The following FAM174C variants were observed in gnomAD, a reference collection of about 807,000 sequenced individuals.
The protein encoded by FAM174C is family with sequence similarity 174 member C, also known as protein FAM174C.
A neutral mutation model predicts 12.3 loss-of-function variants in FAM174C; 19 were observed. That is an observed-to-expected ratio of 1.55 (90% CI 1.08 to 2.27). The LOEUF (loss-of-function observed/expected upper bound fraction) is 2.27. FAM174C is among the 30% of genes most tolerant of loss of function. The pLI, the probability that FAM174C is intolerant of heterozygous loss-of-function variation, is 0.00. For synonymous variants in FAM174C, 147 were observed against 103.5 expected, an observed-to-expected ratio of 1.42 and a Z score of -2.55; for missense variants, 239 against 190.2, an observed-to-expected ratio of 1.26 and a Z score of -1.51.
rs368172075 is a variant in FAM174C at position 1,279,101 on chromosome 19, C to T, written c.*324C>T. ...CTCCCTTGCCTGACTGTGACTTGTG[C>T]CTCTCTCCTGCCCCCGTGGGGACAT... is the stretch of plus-strand genomic sequence containing the variant. On this transcript the variant is annotated 3_prime_UTR_variant, in exon 3 of 3. Transcript: ENST00000409293. The T allele has an allele frequency of 4.3e-6, 7 of 1,612,764 alleles. No homozygotes were observed. The East Asian group carries it at 6.7e-5, about 15-fold the overall frequency.
At chr19:1,278,023 C>T (rs1317845804) in intron 2 of FAM174C, 1 of 152,842 alleles carries the variant, frequency 6.5e-6, no homozygotes, top group Admixed American at 6.5e-5. Flanking sequence ...GATCTGCCCG[C>T]TTCGGCCTCC....
Position 1,275,814 on chromosome 19 carries a change from C to T in FAM174C, c.265C>T (p.Leu89=). Residue 89 remains leucine, a synonymous_variant, in exon 1 of 3, where the codon CTG becomes TTG. Coordinates refer to ENST00000409293, the MANE Select transcript of FAM174C (RefSeq NM_017914.4). ...CTGCGGCCTGACCGCGCTCTACTTC[C>T]TGATCCGGGCGTTTAGGTGCGTCAG... ...GFCGLTALYF[L]IRAFRLKKPQ... 2.6e-6 allele frequency: 4 copies of T among 1,537,418 alleles called. No individual in the cohort carries two copies. Among genetic ancestry groups the T allele is most frequent in the Non-Finnish European group, 3.5e-6 (4 of 1,146,252 alleles).
chr19:1,278,694 C>A, intron 2 of FAM174C, 83 bp from the exon 3 acceptor site: 1 of 1,581,440 alleles, frequency 6.3e-7, no homozygotes, highest in Non-Finnish European at 8.6e-7. Context: ...AGGCTGCCTG[C>A]CCCTGCCTGA....
At position 1,277,170 on chromosome 19, in the gene FAM174C, G is replaced by T. The variant is rs767743867; in HGVS notation, c.282-13G>T. On this transcript the variant is annotated splice_polypyrimidine_tract_variant and intron_variant, in intron 1 of 2. Coordinates refer to ENST00000409293, the MANE Select transcript of FAM174C (RefSeq NM_017914.4). ...GGGGAGGGGCCACTGACTATGCCTG[G>T]ACCTACTTCCAGGTTGAAGAAGCCT... 1.5e-4 allele frequency: 227 copies of T among 1,535,190 alleles called. No individual in the cohort carries two copies. The highest frequency in any genetic ancestry group is 1.9e-4 in the Non-Finnish European group (217 of 1,134,186).
intron 2 of FAM174C, 87 bp from the exon 3 acceptor site, chr19:1,278,690 C>G: frequency 6.3e-7 from 1 of 1,575,922 alleles, no homozygotes. Flanking sequence ...GGACAGGCTG[C>G]CTGCCCCTGC....
In FAM174C at chr19:1,277,419, G is replaced by A. The variant is rs1394525005; in HGVS notation, c.398+120G>A. The A allele has an allele frequency of 8.4e-6, 12 of 1,422,912 alleles. No homozygotes were observed. The Admixed American group carries it at 2.9e-4, about 35-fold the overall frequency. 88.1% of individuals were successfully genotyped at this position (1,422,912 alleles called of 1,614,324 possible). ...CCTGCAATCACAGCTGACAGCGGTA[G>A]TCAGGCCATGGCCCCACTGGGCAGG... On this transcript the variant is annotated intron_variant, in intron 2 of 2. Coordinates refer to ENST00000409293, the MANE Select transcript of FAM174C (RefSeq NM_017914.4).
At chr19:1,277,392 T>A in intron 2 of FAM174C, 93 bp downstream of exon 2, 1 of 1,467,056 alleles carries the variant, frequency 6.8e-7, no homozygotes, top group Non-Finnish European at 9.1e-7. Context: ...CATGGAGTGG[T>A]CCCTGCAATC....
chr19:1,277,052 G>A, intron 1 of FAM174C, 131 bp from the exon 2 acceptor site: 9 of 1,344,176 alleles, frequency 6.7e-6, no homozygotes, highest in Middle Eastern at 2.0e-4. Context: ...AAAGAAGCAG[G>A]CACAGCAAAA....
At chr19:1,275,876 A>G (rs2081411066) in intron 1 of FAM174C, 46 bp downstream of exon 1, 1 of 1,512,022 alleles carries the variant, frequency 6.6e-7, no homozygotes, top group African/African-American at 1.4e-5. Flanking sequence ...TTGGCCAATT[A>G]GCGCGCGCCT....
Position 1,278,744 on chromosome 19 carries a change from CCTT to C in FAM174C, c.*-31_*-29del, listed in dbSNP as rs777175714. 4.3e-6 allele frequency: 7 copies of C among 1,610,782 alleles called. No homozygotes were observed. In the African/African-American group the frequency reaches 6.7e-5, roughly 15 times the overall value. On this transcript the variant is annotated intron_variant, in intron 2 of 2. Coordinates refer to ENST00000409293, the MANE Select transcript of FAM174C (RefSeq NM_017914.4). Reference sequence around the variant, plus strand: ...TGCCCGGCAGGGCGGGCCCTTCACTCCTTCCCTCTCACCCTTGACCCCCTGCTT... The same window carrying C: ...TGCCCGGCAGGGCGGGCCCTTCACTCCCCTCTCACCCTTGACCCCCTGCTT...
Position 1,277,111 on chromosome 19 carries a change from G to C in FAM174C, c.282-72G>C, listed in dbSNP as rs2081418880. 4.0e-6 allele frequency: 6 copies of C among 1,494,508 alleles called. 1 individual carries two copies. Among genetic ancestry groups the C allele is most frequent in the African/African-American group, 1.4e-5 (1 of 72,046 alleles). 92.6% of individuals were successfully genotyped at this position (1,494,508 alleles called of 1,614,324 possible). ...CGGGGCTCCAGTAGAGGACGGCAAT[G>C]AGAGTCCTGAGGGAAGGAGGAGGCA... On this transcript the variant is annotated intron_variant, in intron 1 of 2. Coordinates refer to ENST00000409293, the MANE Select transcript of FAM174C (RefSeq NM_017914.4).
At position 1,275,736 on chromosome 19, in the gene FAM174C, C is replaced by T. The variant is rs1482045793; in HGVS notation, c.187C>T (p.Pro63Ser). The T allele has an allele frequency of 2.0e-6, 3 of 1,534,328 alleles. No individual in the cohort carries two copies. Among genetic ancestry groups the T allele is most frequent in the Admixed American group, 2.0e-5 (1 of 50,524 alleles). ...APHNSTHTRP[P>S]GASGSALTRS... is the part of the protein sequence containing the mutation. ...ACACAACAGCACGCACACGCGTCCG[C>T]CGGGGGCGTCGGGCTCGGCGCTGAC... is the stretch of plus-strand genomic sequence containing the variant. The change falls in exon 1 of 3, where the codon CCG becomes TCG. Residue 63 changes from proline to serine, a missense_variant. Transcript: ENST00000409293.
At position 1,279,185 on chromosome 19, in the gene FAM174C, C is replaced by A; in HGVS notation, c.*408C>A. 6.2e-7 allele frequency: 1 copy of A among 1,612,252 alleles called. No individual in the cohort carries two copies. The highest frequency in any genetic ancestry group is 8.5e-7 in the Non-Finnish European group (1 of 1,179,412). On this transcript the variant is annotated 3_prime_UTR_variant, in exon 3 of 3. Coordinates refer to ENST00000409293, the MANE Select transcript of FAM174C (RefSeq NM_017914.4). The stretch of plus-strand genomic sequence containing the variant: ...ACCCAAGGAACCTTTCTGGGAACAC[C>A]TTCTCGCCGGGCTGGGAACAATAAA...
chr19:1,277,402 C>G, intron 2 of FAM174C, 103 bp downstream of exon 2: 1 of 1,455,448 alleles, frequency 6.9e-7, no homozygotes, highest in East Asian at 2.6e-5. Flanking sequence ...TCCCTGCAAT[C>G]ACAGCTGACA....
intron 1 of FAM174C, 145 bp from the exon 2 acceptor site, chr19:1,277,038 C>A: frequency 1.6e-6 from 2 of 1,265,292 alleles, no homozygotes; most frequent in Non-Finnish European, 2.1e-6. Context: ...GCGATTAGGA[C>A]ATGAAAGAAG....
rs1026499228 is a variant in FAM174C at position 1,278,921 on chromosome 19, G to A, written c.*144G>A. Reference sequence around the variant, plus strand: ...GGTCTCACCCAGTGCCAACCCGAGAGCTCCTTTTGGAACCTGCACAGCCCG... The same window carrying A: ...GGTCTCACCCAGTGCCAACCCGAGAACTCCTTTTGGAACCTGCACAGCCCG... On this transcript the variant is annotated 3_prime_UTR_variant, in exon 3 of 3. Transcript: ENST00000409293. The A allele has an allele frequency of 6.2e-7, 1 of 1,613,088 alleles. No individual in the cohort carries two copies. The highest frequency in any genetic ancestry group is 8.5e-7 in the Non-Finnish European group (1 of 1,179,950).
Position 1,275,745 on chromosome 19 carries a change from T to A in FAM174C, c.196T>A (p.Ser66Thr), listed in dbSNP as rs2081409729. The A allele has an allele frequency of 6.5e-7, 1 of 1,534,782 alleles. No individual in the cohort carries two copies. Among genetic ancestry groups the A allele is most frequent in the Non-Finnish European group, 8.7e-7 (1 of 1,144,494 alleles). The part of the protein sequence containing the change: ...NSTHTRPPGA[S>T]GSALTRSFYV... ...CACGCACACGCGTCCGCCGGGGGCG[T>A]CGGGCTCGGCGCTGACGCGCTCCTT... Residue 66 changes from serine (S) to threonine (T), a missense_variant, in exon 1 of 3, where the codon TCG becomes ACG. Coordinates refer to ENST00000409293, the MANE Select transcript of FAM174C (RefSeq NM_017914.4).
In FAM174C at chr19:1,279,007, C is replaced by T; in HGVS notation, c.*230C>T. On this transcript the variant is annotated 3_prime_UTR_variant, in exon 3 of 3. Coordinates refer to ENST00000409293, the MANE Select transcript of FAM174C (RefSeq NM_017914.4). The stretch of plus-strand genomic sequence containing the variant: ...TGCAGCCTCGCCTCCTGGATGCTGT[C>T]CCAGCCTGGCCGAGGGTCCCAGGTG... 4 of 1,611,810 alleles carry T rather than the reference C, an allele frequency of 2.5e-6. No homozygotes were observed. Among genetic ancestry groups the T allele is most frequent in the Non-Finnish European group, 3.4e-6 (4 of 1,179,944 alleles).
intron 1 of FAM174C, 74 bp from the exon 2 acceptor site, chr19:1,277,109 A>G (rs2081418873): frequency 3.4e-6 from 5 of 1,492,004 alleles, no homozygotes; most frequent in Admixed American, 2.1e-5. Flanking sequence ...GAGGACGGCA[A>G]TGAGAGTCCT....
Sources: allele counts gnomAD v4.1 joint callset, GRCh38; gene constraint gnomAD v4.1.1; transcripts MANE v1.5; gene names NCBI Gene and HGNC (gene_info 2026-07-23, HGNC 2026-07-21).